The following PHACTR1 variants were observed in gnomAD, a reference collection of about 807,000 sequenced individuals.
The protein encoded by PHACTR1 is RPEL repeat containing 1.
In PHACTR1, 16 loss-of-function variants were observed where a neutral mutation model predicts 69.2. That is an observed-to-expected ratio of 0.23 (90% CI 0.16 to 0.35). The LOEUF is 0.35. PHACTR1 is among the 10% of genes least tolerant of loss of function. The probability of loss-of-function intolerance (pLI) is 1.00; values close to 1 mark genes in which losing one functional copy is unlikely to be tolerated. For missense variants in PHACTR1, 510 were observed against 734.7 expected (o/e 0.69, Z 3.54); for synonymous variants, 312 against 284.5 (o/e 1.10, Z -0.97).
At chr6:12,731,138 C>T (rs1763472835) in intron 3 of PHACTR1, among the ~76,000 whole-genome samples, 1 of 151,912 alleles carries the variant, frequency 6.6e-6, no homozygotes, top group African/African-American at 2.4e-5. Context: ...GCCTCAGCCT[C>T]CTGAGTAGCT....
chr6:13,220,886 G>A (rs1005778734), intron 8 of PHACTR1, among the ~76,000 whole-genome samples: 1 of 152,200 alleles, frequency 6.6e-6, no homozygotes, highest in African/African-American at 2.4e-5. Flanking sequence ...GCAATGTAGA[G>A]GTAGAGGCAG....
chr6:13,119,222 T>C (rs573841441), intron 5 of PHACTR1, among the ~76,000 whole-genome samples: 1 of 152,288 alleles, frequency 6.6e-6, no homozygotes, highest in African/African-American at 2.4e-5. Context: ...TCCAGAACAA[T>C]ACCCAAACAG....
At chr6:13,247,745 T>C (rs934291463) in intron 10 of PHACTR1, among the ~76,000 whole-genome samples, 13 of 152,104 alleles carry the variant, frequency 8.5e-5, no homozygotes, top group African/African-American at 3.1e-4. Context: ...CCCCAGCTGC[T>C]CGGGAGACTG....
At chr6:13,272,643 C>A (rs1342865521) in intron 10 of PHACTR1, 5 of 1,413,004 alleles carry the variant, frequency 3.5e-6, no homozygotes, top group Non-Finnish European at 4.7e-6. Flanking sequence ...GGGAGGAGGG[C>A]GGGGGTCAGC....
intron 8 of PHACTR1, among the ~76,000 whole-genome samples, chr6:13,209,318 T>A (rs1331661273): frequency 6.6e-6 from 1 of 152,212 alleles, no homozygotes; most frequent in Non-Finnish European, 1.5e-5. Flanking sequence ...TTCATTCTTG[T>A]TCTAACCAAG....
intron 4 of PHACTR1, among the ~76,000 whole-genome samples, chr6:12,899,246 A>G (rs1213040819): frequency 6.6e-6 from 1 of 152,226 alleles, no homozygotes; most frequent in African/African-American, 2.4e-5. Flanking sequence ...TGCCTGACAT[A>G]CAGTAAGGGA....
chr6:12,800,868 G>A (rs1055084486), intron 4 of PHACTR1, among the ~76,000 whole-genome samples: 1 of 151,280 alleles, frequency 6.6e-6, no homozygotes, highest in Non-Finnish European at 1.5e-5. Flanking sequence ...CAGCCTGGGT[G>A]TCACAGTGAG....
At chr6:13,170,396 G>A (rs780391133) in intron 6 of PHACTR1, among the ~76,000 whole-genome samples, 2 of 152,138 alleles carry the variant, frequency 1.3e-5, no homozygotes, top group Non-Finnish European at 2.9e-5. Context: ...GACCCCTCCT[G>A]TGAACTCATG....
chr6:12,821,687 G>T (rs548194187), intron 4 of PHACTR1, among the ~76,000 whole-genome samples: 12 of 152,134 alleles, frequency 7.9e-5, no homozygotes, highest in Non-Finnish European at 1.6e-4. Context: ...TTTTTAAAAC[G>T]ATAATATATG....
At chr6:13,244,407 A>C (rs932747356) in intron 10 of PHACTR1, among the ~76,000 whole-genome samples, 5 of 152,218 alleles carry the variant, frequency 3.3e-5, no homozygotes, top group Non-Finnish European at 5.9e-5. Flanking sequence ...TTTTGAGATC[A>C]ACCAGTGTGA....
In PHACTR1 at chr6:13,227,979, G is replaced by A. The variant is rs1208139732; in HGVS notation, c.1150G>A (p.Asp384Asn). ...DNKENVPHES[D>N]YEDSSCLYTR... ...TAAAGAAAATGTGCCTCATGAGTCA[G>A]ACTACGAAGACTCTTCTTGCCTGTA... Residue 384 changes from aspartate to asparagine, a missense_variant, in exon 9 of 15, where the codon GAC (aspartate) becomes AAC (asparagine). Around this residue, in one of 2 missense-constraint regions of PHACTR1, gnomAD observed 419 missense variants for 530.9 expected, o/e 0.79. Coordinates refer to ENST00000332995, the MANE Select transcript of PHACTR1 (RefSeq NM_030948.6). 1.2e-6 allele frequency: 2 copies of A among 1,614,016 alleles called. No individual in the cohort carries two copies. Among genetic ancestry groups the A allele is most frequent in the South Asian group, 2.2e-5 (2 of 91,078 alleles).
chr6:12,719,112 A>T (rs896292443), intron 3 of PHACTR1, among the ~76,000 whole-genome samples: 1 of 152,148 alleles, frequency 6.6e-6, no homozygotes, highest in African/African-American at 2.4e-5. Context: ...ATTTCCTACC[A>T]CCTGTGTCCA....
intron 7 of PHACTR1, among the ~76,000 whole-genome samples, chr6:13,200,168 T>G (rs1274632454): frequency 1.3e-5 from 2 of 152,212 alleles, no homozygotes; most frequent in Admixed American, 1.3e-4. Context: ...TTTAGCACCC[T>G]GAGCCAGTGA....
In PHACTR1 at chr6:12,718,795, A is replaced by C. The variant is rs779956248; in HGVS notation, c.51A>C (p.Arg17Ser). The stretch of plus-strand genomic sequence containing the variant: ...TTCTGGATGTAGAGTCTGCTCACAG[A>C]CTCTTGGATGTTGAGTCAGCTCAAA... ...DYFLDVESAH[R>S]LLDVESAQRF... The change falls in exon 3 of 15, where the codon AGA (arginine) becomes AGC (serine). Residue 17 changes from arginine (R) to serine (S), a missense_variant. Coordinates refer to ENST00000332995, the MANE Select transcript of PHACTR1 (RefSeq NM_030948.6). 6.4e-7 allele frequency: 1 copy of C among 1,573,066 alleles called. No individual in the cohort carries two copies. Among genetic ancestry groups the C allele is most frequent in the Non-Finnish European group, 8.6e-7 (1 of 1,156,710 alleles).
chr6:12,901,061 G>A (rs147523781), intron 4 of PHACTR1, among the ~76,000 whole-genome samples: 1 of 152,248 alleles, frequency 6.6e-6, no homozygotes, highest in East Asian at 1.9e-4. Context: ...GAGGGTAAGG[G>A]GATCAGGAGC....
At chr6:12,772,302 T>A (rs1409594762) in intron 4 of PHACTR1, among the ~76,000 whole-genome samples, 1 of 152,226 alleles carries the variant, frequency 6.6e-6, no homozygotes, top group Non-Finnish European at 1.5e-5. Context: ...TTGATTTTTG[T>A]CACAGAATTA....
At chr6:13,285,188 A>C (rs1781401940) in intron 13 of PHACTR1, among the ~76,000 whole-genome samples, 1 of 152,212 alleles carries the variant, frequency 6.6e-6, no homozygotes, top group African/African-American at 2.4e-5. Flanking sequence ...CTTAGGCCGA[A>C]AACATATCCA....
chr6:13,225,636 C>T (rs1769505813), intron 8 of PHACTR1, among the ~76,000 whole-genome samples: 2 of 152,128 alleles, frequency 1.3e-5, no homozygotes, highest in African/African-American at 4.8e-5. Context: ...AGCCTTCTAC[C>T]TTAAGGAACT....
intron 4 of PHACTR1, among the ~76,000 whole-genome samples, chr6:12,938,438 C>T (rs1344593793): frequency 6.6e-6 from 1 of 152,100 alleles, no homozygotes; most frequent in Non-Finnish European, 1.5e-5. Context: ...ACACCATCAG[C>T]AATAGCACCA....
Sources: gnomAD v4.1 joint callset for allele counts (sites outside exome capture counted in the v4.1 genomes callset) on GRCh38, gnomAD v4.1.1 for gene constraint, gnomAD v4.1.1 regional missense constraint, MANE v1.5 for transcripts, NCBI Gene and HGNC (gene_info 2026-07-23, HGNC 2026-07-21) for gene names.